The following RPGRIP1L variants were observed in gnomAD, a reference collection of about 807,000 sequenced individuals.
RPGRIP1L encodes RPGRIP1 like.
A neutral mutation model predicts 160.4 loss-of-function variants in RPGRIP1L; 131 were observed. That is an observed-to-expected ratio of 0.82 (90% CI 0.71 to 0.94). The LOEUF (loss-of-function observed/expected upper bound fraction) is 0.94, where lower values mean the gene tolerates loss of function less well. Among genes scored for constraint, RPGRIP1L ranks in the 40% least tolerant of loss-of-function variants. RPGRIP1L has a pLI of 0.00. For synonymous variants in RPGRIP1L, 510 were observed against 515.8 expected, an observed-to-expected ratio of 0.99 and a Z score of 0.15; for missense variants, 1,522 against 1,535.8, an observed-to-expected ratio of 0.99 and a Z score of 0.15.
chr16:53,650,334 C>T (rs1966842717), intron 15 of RPGRIP1L, among the ~76,000 whole-genome samples: 1 of 152,234 alleles, frequency 6.6e-6, no homozygotes, highest in South Asian at 2.1e-4. Context: ...TATTCTGTTA[C>T]AGCAGCACAA....
At chr16:53,616,932 T>C (rs1376436448) in intron 24 of RPGRIP1L, among the ~76,000 whole-genome samples, 1 of 150,994 alleles carries the variant, frequency 6.6e-6, no homozygotes, top group Non-Finnish European at 1.5e-5. Context: ...ATTAGCTGGG[T>C]GTGGCTGCGT....
chr16:53,638,200 A>G, intron 20 of RPGRIP1L, 110 bp downstream of exon 20: 1 of 735,418 alleles, frequency 1.4e-6, no homozygotes, highest in Non-Finnish European at 2.4e-6. Flanking sequence ...GAAGTCATAT[A>G]TAAAAATAGG....
chr16:53,646,989 C>A (rs1266068391), intron 16 of RPGRIP1L, among the ~76,000 whole-genome samples: 1 of 139,374 alleles, frequency 7.2e-6, no homozygotes, highest in African/African-American at 2.7e-5. Context: ...TGAAAAAGTA[C>A]CTCCACTTCT....
chr16:53,614,561 T>C (rs568003834), intron 24 of RPGRIP1L, among the ~76,000 whole-genome samples: 1 of 152,302 alleles, frequency 6.6e-6, no homozygotes, highest in East Asian at 1.9e-4. Context: ...TAGTGAACAC[T>C]TTTGGGTTGA....
chr16:53,694,037 T>C (rs1414102252), intron 3 of RPGRIP1L: 4 of 152,234 alleles, frequency 2.6e-5, no homozygotes, highest in Non-Finnish European at 5.9e-5. Context: ...CATGATTGCA[T>C]CTGTTTGTCT....
chr16:53,681,665 T>C (rs1296856869), intron 6 of RPGRIP1L, among the ~76,000 whole-genome samples: 1 of 152,224 alleles, frequency 6.6e-6, no homozygotes, highest in Non-Finnish European at 1.5e-5. Flanking sequence ...AGAGCAGCAC[T>C]GGGCTTTGAC....
In RPGRIP1L at chr16:53,646,006, G is replaced by A. The variant is rs1255870051; in HGVS notation, c.2305-3C>T. On this transcript the variant is annotated splice_region_variant and splice_polypyrimidine_tract_variant and intron_variant, in intron 16 of 26. Transcript: ENST00000647211. ...GTTTTGGGTGCTTGCTGACTTAACT[G>A]GAAAAACATACATATTTATATTAAG... is the stretch of plus-strand genomic sequence containing the variant. 6.2e-7 allele frequency: 1 copy of A among 1,613,326 alleles called. No individual in the cohort carries two copies. The highest frequency in any genetic ancestry group is 1.1e-5 in the South Asian group (1 of 91,050).
At chr16:53,620,716 T>C (rs1202640637) in intron 23 of RPGRIP1L, among the ~76,000 whole-genome samples, 3 of 152,188 alleles carry the variant, frequency 2.0e-5, no homozygotes, top group Non-Finnish European at 4.4e-5. Flanking sequence ...CCTCAAGCCC[T>C]CTCCGTTCAC....
intron 6 of RPGRIP1L, among the ~76,000 whole-genome samples, chr16:53,681,330 T>C (rs1969590837): frequency 6.6e-6 from 1 of 152,158 alleles, no homozygotes; most frequent in African/African-American, 2.4e-5. Context: ...AGTTACACAT[T>C]TGTAAGAGTA....
rs1298000911 is a variant in RPGRIP1L at position 53,659,019 on chromosome 16, G to C, written c.1244-141C>G. The C allele has an allele frequency of 7.1e-6, 5 of 700,942 alleles. No homozygotes were observed. The South Asian group carries it at 8.6e-5, about 12-fold the overall frequency. 43.4% of individuals were successfully genotyped at this position (700,942 alleles called of 1,614,324 possible). On this transcript the variant is annotated intron_variant, in intron 10 of 26. Coordinates refer to ENST00000647211, the MANE Select transcript of RPGRIP1L (RefSeq NM_015272.5). ...AGAAAGGAAACTGAGCTAGCACCTC[G>C]ACAAAGACAGCAGGGGAATGAGGAA...
At chr16:53,699,498 C>T (rs985382224) in intron 2 of RPGRIP1L, among the ~76,000 whole-genome samples, 2 of 151,796 alleles carry the variant, frequency 1.3e-5, no homozygotes, top group Non-Finnish European at 2.9e-5. Flanking sequence ...GACTAAGGTC[C>T]TGTGATAGGT....
intron 22 of RPGRIP1L, among the ~76,000 whole-genome samples, chr16:53,631,701 A>G (rs1965531851): frequency 6.6e-6 from 1 of 152,072 alleles, no homozygotes; most frequent in Non-Finnish European, 1.5e-5. Flanking sequence ...GAAATGTCCA[A>G]AGTTTTACAT....
chr16:53,645,818 A>G lies in RPGRIP1L; in HGVS notation c.2490T>C (p.Ile830=). ...CAAACTGTGGATCATTGCTACTGGG[A>G]ATGATAGCTGTATCATGGTCTGCAA... The part of the protein sequence containing the change: ...FDFADHDTAI[I]PSSNDPQFDD... Residue 830 remains isoleucine, a synonymous_variant, in exon 17 of 27, where the codon ATT becomes ATC. Transcript: ENST00000647211. 1 of 1,614,136 alleles carries G rather than the reference A, an allele frequency of 6.2e-7. No individual in the cohort carries two copies. The highest frequency in any genetic ancestry group is 1.7e-5 in the Admixed American group (1 of 60,010).
At chr16:53,681,609 C>T (rs1969614118) in intron 6 of RPGRIP1L, among the ~76,000 whole-genome samples, 1 of 152,052 alleles carries the variant, frequency 6.6e-6, no homozygotes, top group South Asian at 2.1e-4. Flanking sequence ...ACTCACTCTC[C>T]CAAAATAGAC....
intron 1 of RPGRIP1L, among the ~76,000 whole-genome samples, 158 bp from the exon 2 acceptor site, chr16:53,700,888 A>G (rs1246072620): frequency 6.6e-6 from 1 of 152,196 alleles, no homozygotes; most frequent in East Asian, 1.9e-4. Flanking sequence ...CTATTCTAAT[A>G]GTACTACTAC....
At chr16:53,640,197 G>A (rs1341784330) in intron 19 of RPGRIP1L, among the ~76,000 whole-genome samples, 1 of 152,174 alleles carries the variant, frequency 6.6e-6, no homozygotes, top group East Asian at 1.9e-4. Context: ...GAATGATTAT[G>A]TCATTTACAG....
At chr16:53,614,628 G>C (rs1964244173) in intron 24 of RPGRIP1L, among the ~76,000 whole-genome samples, 1 of 152,060 alleles carries the variant, frequency 6.6e-6, no homozygotes. Context: ...GATATCCTAT[G>C]ACTAACCATG....
At position 53,686,570 on chromosome 16, in the gene RPGRIP1L, G is replaced by A. The variant is rs376808910; in HGVS notation, c.639C>T (p.Asn213=). 1.5e-5 allele frequency: 24 copies of A among 1,613,370 alleles called. No individual in the cohort carries two copies. Among genetic ancestry groups the A allele is most frequent in the Middle Eastern group, 1.7e-4 (1 of 6,056 alleles). Residue 213 remains asparagine, a synonymous_variant, in exon 6 of 27, where the codon AAC becomes AAT. Transcript: ENST00000647211. ...EARGEIRNLE[N]VIQSQRGQIE... is the part of the protein sequence containing the mutation. The stretch of plus-strand genomic sequence containing the variant: ...TCTGGCCTCTTTGTGACTGAATAAC[G>A]TTTTCTCTGAAATAAAGAGCCTCTG...
chr16:53,664,737 G>A (rs1397778078), intron 10 of RPGRIP1L, 133 bp downstream of exon 10: 2 of 1,001,864 alleles, frequency 2.0e-6, no homozygotes, highest in Non-Finnish European at 3.1e-6. Context: ...TCATGAGAGT[G>A]GATGACTGTG....
Sources: gnomAD v4.1 joint callset for allele counts (sites outside exome capture counted in the v4.1 genomes callset) on GRCh38, gnomAD v4.1.1 for gene constraint, MANE v1.5 for transcripts, NCBI Gene and HGNC (gene_info 2026-07-23, HGNC 2026-07-21) for gene names.